Variants in SUGCT observed in about 807,000 individuals in gnomAD.
SUGCT encodes the protein succinyl-CoA:glutarate CoA-transferase.
A neutral mutation model predicts 55.0 loss-of-function variants in SUGCT; 41 were observed. The observed-to-expected ratio is 0.74, with a 90% confidence interval of 0.58 to 0.97. The LOEUF is 0.97. SUGCT is among the 50% of genes least tolerant of loss of function. The pLI, the probability that SUGCT is intolerant of heterozygous loss-of-function variation, is 0.00. For synonymous variants in SUGCT, 187 were observed against 200.4 expected (o/e 0.93, Z 0.56); for missense variants, 568 against 547.8 (o/e 1.04, Z -0.37).
At chr7:40,165,348 T>C (rs1784367143) in intron 1 of SUGCT, among the ~76,000 whole-genome samples, 1 of 152,150 alleles carries the variant, frequency 6.6e-6, no homozygotes, top group South Asian at 2.1e-4. Context: ...TTATCCCTGC[T>C]CTGGTGTTGC....
At chr7:40,508,680 C>G (rs983485448) in intron 12 of SUGCT, among the ~76,000 whole-genome samples, 7 of 151,976 alleles carry the variant, frequency 4.6e-5, no homozygotes, top group African/African-American at 1.7e-4. Flanking sequence ...TGCCATATGA[C>G]CTACAGTAAT....
At chr7:40,801,982 G>A (rs867269188) in intron 13 of SUGCT, among the ~76,000 whole-genome samples, 82 of 151,752 alleles carry the variant, frequency 5.4e-4, no homozygotes, top group Middle Eastern at 6.8e-3. Context: ...CATGGCCACC[G>A]AGAAACCCAG....
At chr7:40,977,277 C>T in the SUGCT span, among the ~76,000 whole-genome samples, 1 of 152,236 alleles carries the variant, frequency 6.6e-6, no homozygotes, top group Admixed American at 6.5e-5. Context: ...AATAGACCAT[C>T]TGTAAAAGGA....
At chr7:41,032,121 C>T in the SUGCT span, among the ~76,000 whole-genome samples, 1 of 152,112 alleles carries the variant, frequency 6.6e-6, no homozygotes, top group African/African-American at 2.4e-5. Flanking sequence ...CACACCACAG[C>T]TGTAAGGGCT....
the SUGCT span, among the ~76,000 whole-genome samples, chr7:40,910,821 A>G: frequency 6.6e-6 from 1 of 152,142 alleles, no homozygotes; most frequent in Non-Finnish European, 1.5e-5. Flanking sequence ...AAATATATAC[A>G]CTAATTTGGC....
chr7:41,035,051 C>T, the SUGCT span, among the ~76,000 whole-genome samples: 13 of 152,318 alleles, frequency 8.5e-5, no homozygotes, highest in Middle Eastern at 3.4e-3. Context: ...TTGTCCCCAG[C>T]GGTGTTCTTC....
chr7:41,008,913 G>T, the SUGCT span, among the ~76,000 whole-genome samples: 1 of 152,064 alleles, frequency 6.6e-6, no homozygotes, highest in Non-Finnish European at 1.5e-5. Context: ...ATGGTGTCTG[G>T]TCCCGATGCA....
intron 13 of SUGCT, among the ~76,000 whole-genome samples, chr7:40,774,605 T>C (rs773788803): frequency 2.4e-4 from 36 of 152,274 alleles, no homozygotes; most frequent in Admixed American, 9.2e-4. Flanking sequence ...GAAATGCAGT[T>C]ATAATTTCCT....
the SUGCT span, among the ~76,000 whole-genome samples, chr7:41,004,815 AT>A: frequency 6.7e-6 from 1 of 148,414 alleles, no homozygotes; most frequent in South Asian, 2.2e-4. Context: ...AAAAAAAAAA[AT>A]AACTGGCATC....
intron 11 of SUGCT, among the ~76,000 whole-genome samples, chr7:40,492,682 T>C (rs965630072): frequency 2.0e-5 from 3 of 152,206 alleles, no homozygotes; most frequent in African/African-American, 7.2e-5. Context: ...ATCTTTCATA[T>C]GTCTAATTCT....
chr7:40,256,000 C>G (rs1438978093), intron 7 of SUGCT, among the ~76,000 whole-genome samples: 1 of 152,110 alleles, frequency 6.6e-6, no homozygotes, highest in Non-Finnish European at 1.5e-5. Context: ...GCTTTTTATT[C>G]CACCATCTTG....
intron 11 of SUGCT, among the ~76,000 whole-genome samples, chr7:40,466,045 T>A (rs1274394393): frequency 1.3e-5 from 2 of 152,076 alleles, no homozygotes; most frequent in African/African-American, 4.8e-5. Flanking sequence ...CCATGCCTGC[T>A]TAATTTAAAA....
At chr7:40,152,639 A>G in intron 1 of SUGCT, 1 of 186,974 alleles carries the variant, frequency 5.3e-6, no homozygotes. Flanking sequence ...ATTCTAAAGG[A>G]TTTTGAAGAC....
chr7:40,206,549 T>C (rs1248586574), intron 6 of SUGCT, among the ~76,000 whole-genome samples: 3 of 152,134 alleles, frequency 2.0e-5, no homozygotes, highest in Admixed American at 2.0e-4. Context: ...AAGTGAAAAA[T>C]ATCAAAGTTT....
chr7:40,638,110 C>T (rs1008794010), intron 12 of SUGCT, among the ~76,000 whole-genome samples: 4 of 152,304 alleles, frequency 2.6e-5, no homozygotes, highest in South Asian at 2.1e-4. Flanking sequence ...TGTAGCTTAC[C>T]TCTGTTGAAC....
chr7:40,238,673 C>T (rs903946773), intron 7 of SUGCT, among the ~76,000 whole-genome samples: 1 of 151,620 alleles, frequency 6.6e-6, no homozygotes, highest in African/African-American at 2.4e-5. Flanking sequence ...TAATTATTTT[C>T]CTTTGCCTCT....
At chr7:40,380,735 C>G (rs1439160470) in intron 9 of SUGCT, among the ~76,000 whole-genome samples, 1 of 152,170 alleles carries the variant, frequency 6.6e-6, no homozygotes, top group East Asian at 1.9e-4. Flanking sequence ...TCTCTTGTCT[C>G]TGAATGGCAT....
chr7:40,760,420 G>T (rs1788474054), intron 13 of SUGCT, among the ~76,000 whole-genome samples: 1 of 152,168 alleles, frequency 6.6e-6, no homozygotes, highest in Admixed American at 6.5e-5. Flanking sequence ...GTAGAATAGT[G>T]ATTGTCAGGG....
intron 12 of SUGCT, among the ~76,000 whole-genome samples, chr7:40,626,883 T>C (rs1051386431): frequency 6.6e-6 from 1 of 152,172 alleles, no homozygotes; most frequent in Non-Finnish European, 1.5e-5. Flanking sequence ...TCCCCGTGCA[T>C]GTCTAGTTAA....
Sources: gnomAD v4.1 joint callset for allele counts (sites outside exome capture counted in the v4.1 genomes callset) on GRCh38, gnomAD v4.1.1 for gene constraint, MANE v1.5 for transcripts, NCBI Gene and HGNC (gene_info 2026-07-23, HGNC 2026-07-21) for gene names.